Variants in SLC24A2 observed in about 807,000 individuals in gnomAD.
SLC24A2 encodes the protein solute carrier family 24 member 2, also known as sodium/potassium/calcium exchanger 2.
Under a neutral mutation model 62.0 loss-of-function variants are expected in SLC24A2, and 36 were observed. The ratio of observed to expected loss-of-function variants is 0.58; its 90% CI spans 0.44 to 0.77. The LOEUF (loss-of-function observed/expected upper bound fraction) is 0.77, where lower values mean the gene tolerates loss of function less well. Ranked by LOEUF, SLC24A2 falls within the 30% of genes least tolerant of loss-of-function variation. The probability of loss-of-function intolerance (pLI) is 0.00; values close to 1 mark genes in which losing one functional copy is unlikely to be tolerated. For synonymous variants in SLC24A2, 358 were observed against 294.0 expected, an observed-to-expected ratio of 1.22 and a Z score of -2.23; for missense variants, 846 against 817.9, an observed-to-expected ratio of 1.03 and a Z score of -0.42.
chr9:20,023,928 C>A, the SLC24A2 span, among the ~76,000 whole-genome samples: 198 of 152,282 alleles, frequency 1.3e-3, no homozygotes, highest in Middle Eastern at 3.4e-3. Flanking sequence ...AGTGAGGAAG[C>A]TCTGTGCTAT....
the SLC24A2 span, among the ~76,000 whole-genome samples, chr9:19,807,146 C>A: frequency 1.3e-5 from 2 of 152,050 alleles, no homozygotes; most frequent in South Asian, 4.2e-4. Context: ...GAATTCTGTC[C>A]TTTTTTGGAA....
At chr9:19,723,872 G>C (rs908086164) in intron 2 of SLC24A2, among the ~76,000 whole-genome samples, 1 of 151,910 alleles carries the variant, frequency 6.6e-6, no homozygotes, top group Admixed American at 6.6e-5. Flanking sequence ...AACATTTTTT[G>C]AGAGTCTACT....
intron 2 of SLC24A2, among the ~76,000 whole-genome samples, chr9:19,701,576 G>C (rs1411151495): frequency 1.3e-5 from 2 of 152,170 alleles, no homozygotes; most frequent in African/African-American, 4.8e-5. Flanking sequence ...TCTGGAGGCC[G>C]TAAGTTTGAA....
chr9:19,572,928 C>G (rs1338664866), intron 7 of SLC24A2, among the ~76,000 whole-genome samples: 1 of 152,080 alleles, frequency 6.6e-6, no homozygotes, highest in African/African-American at 2.4e-5. Context: ...CTTAAAGACA[C>G]AGAGAAAGGA....
At chr9:19,833,581 G>A in the SLC24A2 span, among the ~76,000 whole-genome samples, 2 of 152,252 alleles carry the variant, frequency 1.3e-5, no homozygotes, top group East Asian at 3.9e-4. Context: ...CAGCAGGGAA[G>A]CTTGAACTGG....
At position 19,640,974 on chromosome 9, in the gene SLC24A2, A is replaced by G. The variant is rs903855699; in HGVS notation, c.931-18675T>C. ...GAAAGTTTTAAAGCAAATGACTGAT[A>G]GGATTTGATTTAAGTTATACAAGTG... is the stretch of plus-strand genomic sequence containing the variant. On this transcript the variant is annotated intron_variant, in intron 2 of 10. Transcript: ENST00000341998. Among the ~76,000 whole-genome samples the G allele has an allele frequency of 3.3e-5, 5 of 152,240 alleles. No homozygotes were observed. In the South Asian group the frequency reaches 8.3e-4, roughly 25 times the overall value.
the SLC24A2 span, among the ~76,000 whole-genome samples, chr9:19,818,702 A>G: frequency 3.3e-5 from 5 of 152,290 alleles, no homozygotes; most frequent in South Asian, 1.0e-3. Context: ...CATAGATGAC[A>G]CAAACAAATG....
At chr9:19,904,507 G>T in the SLC24A2 span, among the ~76,000 whole-genome samples, 1 of 152,206 alleles carries the variant, frequency 6.6e-6, no homozygotes, top group Non-Finnish European at 1.5e-5. Flanking sequence ...AGATTAATCA[G>T]AGGTGGAAAG....
In SLC24A2 at chr9:19,749,521, C is replaced by A. The variant is rs1318199165; in HGVS notation, c.930+36416G>T. 3.3e-5 allele frequency among the ~76,000 whole-genome samples: 5 copies of A among 152,028 alleles called. No individual in the cohort carries two copies. The East Asian group carries it at 9.6e-4, about 29-fold the overall frequency. ...AGCTGGTCTCTTCCTGTGCTAAAGA[C>A]AAAAGGGACTGCTTATTTCTTACTA... is the stretch of plus-strand genomic sequence containing the variant. On this transcript the variant is annotated intron_variant, in intron 2 of 10. Coordinates refer to ENST00000341998, the MANE Select transcript of SLC24A2 (RefSeq NM_020344.4).
chr9:20,096,408 A>G, the SLC24A2 span, among the ~76,000 whole-genome samples: 1 of 152,214 alleles, frequency 6.6e-6, no homozygotes, highest in East Asian at 1.9e-4. Flanking sequence ...TCCACATGTT[A>G]TTGACTCTCC....
intron 2 of SLC24A2, among the ~76,000 whole-genome samples, chr9:19,689,233 C>T (rs530456314): frequency 6.6e-6 from 1 of 152,012 alleles, no homozygotes; most frequent in Non-Finnish European, 1.5e-5. Flanking sequence ...CGCTTCTCCA[C>T]GGAGAAGTGT....
At chr9:19,539,306 A>G (rs1834135809) in intron 8 of SLC24A2, among the ~76,000 whole-genome samples, 1 of 121,416 alleles carries the variant, frequency 8.2e-6, no homozygotes, top group South Asian at 3.2e-4. Context: ...TAGGGTGTCA[A>G]TTTTGGATCT....
chr9:20,071,147 G>A, the SLC24A2 span, among the ~76,000 whole-genome samples: 1 of 152,178 alleles, frequency 6.6e-6, no homozygotes, highest in Non-Finnish European at 1.5e-5. Context: ...TCTAGAAGCA[G>A]AAGCTGCTAT....
At chr9:19,661,132 G>C (rs1354819047) in intron 2 of SLC24A2, among the ~76,000 whole-genome samples, 1 of 151,896 alleles carries the variant, frequency 6.6e-6, no homozygotes, top group Non-Finnish European at 1.5e-5. Flanking sequence ...TGAGTCTATG[G>C]GCTTGCTGGT....
the SLC24A2 span, among the ~76,000 whole-genome samples, chr9:20,220,846 C>A: frequency 6.6e-6 from 1 of 152,010 alleles, no homozygotes. Flanking sequence ...CCTACCTAAA[C>A]GAAAAATATC....
rs185866022 is a variant in SLC24A2 at position 19,741,494 on chromosome 9, A to G, written c.930+44443T>C. Among the ~76,000 whole-genome samples the G allele has an allele frequency of 5.9e-5, 9 of 152,302 alleles. No homozygotes were observed. The East Asian group carries it at 1.7e-3, about 29-fold the overall frequency. ...CTCAACACTCTCTGCTCCAAGTACC[A>G]GCTGAGCAGCTCCCTCCTCAAGTTT... On this transcript the variant is annotated intron_variant, in intron 2 of 10. Coordinates refer to ENST00000341998, the MANE Select transcript of SLC24A2 (RefSeq NM_020344.4).
At chr9:19,763,742 A>G (rs1822420249) in intron 2 of SLC24A2, among the ~76,000 whole-genome samples, 1 of 152,110 alleles carries the variant, frequency 6.6e-6, no homozygotes, top group Admixed American at 6.6e-5. Flanking sequence ...TTTCATATTG[A>G]TGTTCATCAG....
chr9:20,223,210 G>C, the SLC24A2 span, among the ~76,000 whole-genome samples: 1 of 152,092 alleles, frequency 6.6e-6, no homozygotes, highest in South Asian at 2.1e-4. Context: ...TAACTTTATG[G>C]AAGAAGCTTT....
chr9:19,911,605 T>C, the SLC24A2 span, among the ~76,000 whole-genome samples: 1 of 152,122 alleles, frequency 6.6e-6, no homozygotes, highest in Non-Finnish European at 1.5e-5. Flanking sequence ...TCTTCTTCCA[T>C]GATTGAGTGA....
Sources: allele counts gnomAD v4.1 joint callset (sites outside exome capture counted in the v4.1 genomes callset), GRCh38; gene constraint gnomAD v4.1.1; transcripts MANE v1.5; gene names NCBI Gene and HGNC (gene_info 2026-07-23, HGNC 2026-07-21).